Variants in FBXL17 observed in about 807,000 individuals in gnomAD.
The protein encoded by FBXL17 is F-box/LRR-repeat protein 17.
A neutral mutation model predicts 66.2 loss-of-function variants in FBXL17; 22 were observed. The ratio of observed to expected loss-of-function variants is 0.33; its 90% CI spans 0.24 to 0.47. FBXL17 has a LOEUF of 0.47. Among genes scored for constraint, FBXL17 ranks in the 20% least tolerant of loss-of-function variants. The pLI is 1.00. For missense variants in FBXL17, 878 were observed against 948.2 expected (o/e 0.93, Z 0.97); for synonymous variants, 474 against 400.5 (o/e 1.18, Z -2.19).
intron 8 of FBXL17, among the ~76,000 whole-genome samples, chr5:107,868,077 T>C (rs1486823631): frequency 6.6e-6 from 1 of 152,222 alleles, no homozygotes; most frequent in East Asian, 1.9e-4. Context: ...ACATCTATTA[T>C]TTCCCAGACA....
chr5:108,092,848 G>C (rs1749236022), intron 6 of FBXL17, among the ~76,000 whole-genome samples: 1 of 152,018 alleles, frequency 6.6e-6, no homozygotes, highest in Admixed American at 6.6e-5. Context: ...TTCAGAATTT[G>C]GTTATTTTTG....
At chr5:108,215,516 T>C (rs1754560570) in intron 5 of FBXL17, among the ~76,000 whole-genome samples, 2 of 152,190 alleles carry the variant, frequency 1.3e-5, no homozygotes, top group South Asian at 4.1e-4. Flanking sequence ...AAGTATATCT[T>C]CTCTGGAGAA....
intron 6 of FBXL17, among the ~76,000 whole-genome samples, chr5:108,057,937 G>A (rs1437713869): frequency 6.6e-6 from 1 of 152,086 alleles, no homozygotes; most frequent in African/African-American, 2.4e-5. Flanking sequence ...ACGTGAGGTG[G>A]TTTTATCTTC....
chr5:108,316,027 C>T lies in FBXL17; in HGVS notation c.1506+32372G>A, dbSNP rs190313966. Among the ~76,000 whole-genome samples, 4 of 151,506 alleles carry T rather than the reference C, an allele frequency of 2.6e-5. No homozygotes were observed. In the South Asian group the frequency reaches 6.2e-4, roughly 24 times the overall value. ...CCTTGATGATGAGGCTATCTCCTGA[C>T]ATCTATTAAACAAAGGTCTTCAGTA... On this transcript the variant is annotated intron_variant, in intron 4 of 8. Coordinates refer to ENST00000542267, the MANE Select transcript of FBXL17 (RefSeq NM_001163315.3).
chr5:108,120,384 A>G (rs1750438450), intron 6 of FBXL17, among the ~76,000 whole-genome samples: 1 of 152,222 alleles, frequency 6.6e-6, no homozygotes, highest in Admixed American at 6.5e-5. Context: ...CATAGAAAAC[A>G]ATAAAAAACC....
At chr5:108,129,608 T>G (rs533412208) in intron 6 of FBXL17, among the ~76,000 whole-genome samples, 1 of 152,128 alleles carries the variant, frequency 6.6e-6, no homozygotes, top group Non-Finnish European at 1.5e-5. Context: ...ATAACATTAC[T>G]TATTTAAATA....
intron 7 of FBXL17, among the ~76,000 whole-genome samples, chr5:108,005,424 G>T (rs1419164902): frequency 2.0e-4 from 30 of 152,094 alleles, no homozygotes; most frequent in Admixed American, 2.0e-3. Flanking sequence ...CTGGGCAGAG[G>T]AAATAAAAAA....
At chr5:107,928,477 T>G (rs2112571077) in intron 7 of FBXL17, among the ~76,000 whole-genome samples, 1 of 152,126 alleles carries the variant, frequency 6.6e-6, no homozygotes, top group South Asian at 2.1e-4. Context: ...CTAGTTACTC[T>G]TTTTGAAAGA....
At chr5:108,300,906 G>C (rs1247385063) in intron 4 of FBXL17, among the ~76,000 whole-genome samples, 1 of 151,436 alleles carries the variant, frequency 6.6e-6, no homozygotes, top group Non-Finnish European at 1.5e-5. Flanking sequence ...GAATATTAAA[G>C]AATATGTCTG....
intron 6 of FBXL17, among the ~76,000 whole-genome samples, chr5:108,029,488 T>C (rs188100709): frequency 2.6e-5 from 4 of 152,268 alleles, no homozygotes; most frequent in Admixed American, 2.6e-4. Flanking sequence ...TGCTTTACTC[T>C]TATTTTTCCC....
At chr5:108,045,006 G>A (rs1288301783) in intron 6 of FBXL17, among the ~76,000 whole-genome samples, 7 of 151,948 alleles carry the variant, frequency 4.6e-5, no homozygotes, top group Non-Finnish European at 5.9e-5. Flanking sequence ...CCTGACATTG[G>A]CAATTTGTAT....
At chr5:108,163,462 G>A (rs1752296577) in intron 6 of FBXL17, among the ~76,000 whole-genome samples, 1 of 149,138 alleles carries the variant, frequency 6.7e-6, no homozygotes, top group Non-Finnish European at 1.5e-5. Context: ...GTGCAGTGGC[G>A]CGATCTCGGC....
At chr5:108,117,534 A>G (rs1303154688) in intron 6 of FBXL17, among the ~76,000 whole-genome samples, 1 of 152,196 alleles carries the variant, frequency 6.6e-6, no homozygotes, top group Non-Finnish European at 1.5e-5. Context: ...TAAAAATGTT[A>G]ATTACAACAC....
Position 108,381,770 on chromosome 5 carries a change from C to G in FBXL17, c.-79G>C, listed in dbSNP as rs1450126241. The stretch of plus-strand genomic sequence containing the variant: ...GCGGGCTCCCGGCAGCGGGGCAGGC[C>G]GCTCGCTGGCTCGGCCCCCGGAGGG... On this transcript the variant is annotated 5_prime_UTR_variant, in exon 1 of 9. Coordinates refer to ENST00000542267, the MANE Select transcript of FBXL17 (RefSeq NM_001163315.3). 1 of 1,367,646 alleles carries G rather than the reference C, an allele frequency of 7.3e-7. No individual in the cohort carries two copies. The highest frequency in any genetic ancestry group is 1.5e-5 in the African/African-American group (1 of 65,172). The allele number at this position is 1,367,646 out of a possible 1,614,324, so 84.7% of individuals were successfully genotyped here.
chr5:107,868,276 A>T (rs1748340708), intron 8 of FBXL17, among the ~76,000 whole-genome samples: 1 of 152,228 alleles, frequency 6.6e-6, no homozygotes, highest in Non-Finnish European at 1.5e-5. Context: ...CCTGCCCTGT[A>T]AAATGTTTAC....
At chr5:108,076,902 C>T (rs532868638) in intron 6 of FBXL17, among the ~76,000 whole-genome samples, 12 of 152,132 alleles carry the variant, frequency 7.9e-5, no homozygotes, top group African/African-American at 2.4e-4. Context: ...CAAATATAAA[C>T]GAACTACTTC....
chr5:108,235,247 G>C (rs1755545743), intron 4 of FBXL17, among the ~76,000 whole-genome samples: 1 of 152,088 alleles, frequency 6.6e-6, no homozygotes, highest in Admixed American at 6.5e-5. Context: ...AATTTTCCTA[G>C]ACTTCACCCC....
At chr5:108,101,786 CTTTTA>C (rs1051367801) in intron 6 of FBXL17, among the ~76,000 whole-genome samples, 2 of 152,198 alleles carry the variant, frequency 1.3e-5, no homozygotes, top group African/African-American at 4.8e-5. Context: ...TAATCTGTGG[CTTTTA>C]TTTTAACTAA....
chr5:107,875,413 C>T (rs1055195083), intron 8 of FBXL17, among the ~76,000 whole-genome samples: 8 of 152,190 alleles, frequency 5.3e-5, no homozygotes. Context: ...ACTCCATTTT[C>T]TCCACAGAAA....
Sources: gnomAD v4.1 joint callset for allele counts (sites outside exome capture counted in the v4.1 genomes callset) on GRCh38, gnomAD v4.1.1 for gene constraint, MANE v1.5 for transcripts, NCBI Gene and HGNC (gene_info 2026-07-23, HGNC 2026-07-21) for gene names.